Variants in PCYOX1 observed in about 807,000 individuals in gnomAD.
PCYOX1 encodes prenylcysteine lyase.
A neutral mutation model predicts 46.4 loss-of-function variants in PCYOX1; 46 were observed. The observed-to-expected ratio is 0.99, with a 90% CI of 0.78 to 1.27. The LOEUF (loss-of-function observed/expected upper bound fraction) is 1.27, where lower values mean the gene tolerates loss of function less well. Ranked by LOEUF, PCYOX1 falls within the 50% of genes most tolerant of loss-of-function variation. PCYOX1 has a pLI of 0.00. For missense variants in PCYOX1, 658 were observed against 628.3 expected (o/e 1.05, Z -0.51); for synonymous variants, 220 against 231.8 (o/e 0.95, Z 0.46).
intron 3 of PCYOX1, among the ~76,000 whole-genome samples, chr2:70,269,666 T>G (rs910143436): frequency 1.3e-5 from 2 of 152,162 alleles, no homozygotes; most frequent in African/African-American, 4.8e-5. Context: ...GGTCAGCCTC[T>G]TGTAGTCTCT....
Position 70,278,708 on chromosome 2 carries a change from G to A in PCYOX1, c.*1316G>A, listed in dbSNP as rs1470909959. The A allele has an allele frequency of 6.6e-6, 1 of 152,194 alleles. No homozygotes were observed. Among genetic ancestry groups the A allele is most frequent in the Non-Finnish European group, 1.5e-5 (1 of 68,036 alleles). 9.4% of individuals were successfully genotyped at this position (152,194 alleles called of 1,614,324 possible). On this transcript the variant is annotated 3_prime_UTR_variant, in exon 6 of 6. Coordinates refer to ENST00000433351, the MANE Select transcript of PCYOX1 (RefSeq NM_016297.4). ...TGGCTGCACATTGGAATCACCTGTA[G>A]GGTTTTAAAGCATCCAAATGGTAAT...
chr2:70,272,703 A>T (rs1268158920), intron 3 of PCYOX1, among the ~76,000 whole-genome samples: 2 of 151,464 alleles, frequency 1.3e-5, no homozygotes, highest in Admixed American at 1.3e-4. Flanking sequence ...TTCATTTATT[A>T]TTATTATTTT....
At chr2:70,275,863 C>T (rs1429188439) in intron 5 of PCYOX1, among the ~76,000 whole-genome samples, 197 bp downstream of exon 5, 1 of 151,924 alleles carries the variant, frequency 6.6e-6, no homozygotes, top group Non-Finnish European at 1.5e-5. Flanking sequence ...CTTTGGGAGG[C>T]CAAGGAGGGT....
At chr2:70,275,263 G>A in intron 4 of PCYOX1, 93 bp downstream of exon 4, 2 of 1,135,246 alleles carry the variant, frequency 1.8e-6, no homozygotes, top group Non-Finnish European at 2.6e-6. Flanking sequence ...GTGGATTGGA[G>A]GCTACTTTTC....
rs1188312022 is a variant in PCYOX1, at chr2:70,265,194, ACTAAT to A, written c.494+3809_494+3813del. Among the ~76,000 whole-genome samples the A allele has an allele frequency of 1.1e-4, 15 of 142,494 alleles. No homozygotes were observed. The East Asian group carries it at 2.7e-3, about 25-fold the overall frequency. 93.5% of individuals were successfully genotyped at this position (142,494 alleles called of 152,430 possible). On this transcript the variant is annotated intron_variant, in intron 3 of 5. Coordinates refer to ENST00000433351, the MANE Select transcript of PCYOX1 (RefSeq NM_016297.4). ...TTGTTCTGGTTGGATGCCATTCTTA[ACTAAT>A]TTTTTTTTTTTTTTTTTTTTTGAGA...
At chr2:70,266,093 G>A (rs1696517789) in intron 3 of PCYOX1, among the ~76,000 whole-genome samples, 1 of 152,108 alleles carries the variant, frequency 6.6e-6, no homozygotes, top group Admixed American at 6.5e-5. Context: ...GCCACAAGAT[G>A]TCCATGTCTT....
Position 70,261,381 on chromosome 2 carries a change from C to G in PCYOX1, c.489C>G (p.Phe163Leu). 1 of 1,600,816 alleles carries G rather than the reference C, an allele frequency of 6.2e-7. No homozygotes were observed. Among genetic ancestry groups the G allele is most frequent in the Non-Finnish European group, 8.5e-7 (1 of 1,172,134 alleles). The change falls in exon 3 of 6, where the codon TTC (phenylalanine) becomes TTG (leucine). Residue 163 changes from phenylalanine to leucine, a missense_variant. Transcript: ENST00000433351. ...HMWVEDVLDK[F>L]MRIYRYQSHD... ...GGGTAGAGGACGTGTTAGACAAGTT[C>G]ATGAGGTAATTTTTTTTCCTTCCAT...
Position 70,280,673 on chromosome 2 carries a change from G to C in PCYOX1, c.*3281G>C, listed in dbSNP as rs1234678195. 4 of 152,156 alleles carry C rather than the reference G, an allele frequency of 2.6e-5. No individual in the cohort carries two copies. The highest frequency in any genetic ancestry group is 7.2e-5 in the African/African-American group (3 of 41,426). The allele number at this position is 152,156 out of a possible 1,614,324, so 9.4% of individuals were successfully genotyped here. On this transcript the variant is annotated 3_prime_UTR_variant, in exon 6 of 6. Transcript: ENST00000433351. ...AGTTATAAAGAGTTGCTGAAAAATG[G>C]AGTAACAGTGTATGGGACTTCACAT...
intron 4 of PCYOX1, 30 bp downstream of exon 4, chr2:70,275,200 A>G: frequency 2.0e-6 from 3 of 1,536,474 alleles, no homozygotes; most frequent in East Asian, 2.2e-5. Flanking sequence ...AGTGGTGGAC[A>G]TTAGTTCACA....
chr2:70,263,967 T>TG (rs1696476032), intron 3 of PCYOX1, among the ~76,000 whole-genome samples: 1 of 148,828 alleles, frequency 6.7e-6, no homozygotes, highest in South Asian at 2.2e-4. Context: ...CCCTCTTTTT[T>TG]TTTTTTTTTT....
intron 1 of PCYOX1, chr2:70,258,602 T>G: frequency 1.2e-5 from 3 of 255,384 alleles, no homozygotes; most frequent in Non-Finnish European, 1.5e-5. Context: ...TAGGTTTCTC[T>G]ATCTTCCCGT....
intron 2 of PCYOX1, 70 bp downstream of exon 2, chr2:70,259,636 G>A: frequency 2.5e-6 from 3 of 1,181,036 alleles, no homozygotes; most frequent in East Asian, 4.7e-5. Flanking sequence ...ATCAGATGGA[G>A]AACTGAAATT....
At chr2:70,266,078 T>C (rs6546578) in intron 3 of PCYOX1, among the ~76,000 whole-genome samples, 110,179 of 152,032 alleles carry the variant, frequency 0.72, 40,584 homozygotes, top group African/African-American at 0.84. Flanking sequence ...TCTCCCCTGC[T>C]GTCTGCCACA....
At position 70,258,173 on chromosome 2, in the gene PCYOX1, C is replaced by T. The variant is rs976795115; in HGVS notation, c.9C>T (p.Arg3=). The T allele has an allele frequency of 3.1e-6, 5 of 1,595,050 alleles. No homozygotes were observed. The highest frequency in any genetic ancestry group is 4.6e-5 in the East Asian group (2 of 43,732). The change falls in exon 1 of 6, where the codon CGC becomes CGT. Residue 3 remains arginine (R), a synonymous_variant. Coordinates refer to ENST00000433351, the MANE Select transcript of PCYOX1 (RefSeq NM_016297.4). MG[R]VVAELVSSLL... ...CAGAGCTTGTGGAGGCCATGGGGCG[C>T]GTCGTCGCGGAGCTCGTCTCCTCGC...
chr2:70,262,583 G>C (rs1349899461), intron 3 of PCYOX1, among the ~76,000 whole-genome samples: 1 of 150,798 alleles, frequency 6.6e-6, no homozygotes, highest in African/African-American at 2.4e-5. Context: ...TGGTTCAAGC[G>C]ATTCTCCTGC....
At chr2:70,276,596 G>A (rs1696675436) in intron 5 of PCYOX1, 138 bp from the exon 6 acceptor site, 2 of 565,900 alleles carry the variant, frequency 3.5e-6, no homozygotes. Flanking sequence ...TAATAAAAAT[G>A]CAAGGGACAA....
Position 70,277,280 on chromosome 2 carries a change from T to C in PCYOX1, c.1406T>C (p.Met469Thr). ...GAGTGTGCAGCAAGTGCCATGGAGA[T>C]GAGTGCCATTGCAGCCCACAACGCT... ...GIECAASAME[M>T]SAIAAHNAAL... is the part of the protein sequence containing the mutation. The change falls in exon 6 of 6, where the codon ATG (methionine) becomes ACG (threonine). Residue 469 changes from methionine (M) to threonine (T), a missense_variant. Met to Thr is a moderately conservative substitution (Grantham distance 81). Coordinates refer to ENST00000433351, the MANE Select transcript of PCYOX1 (RefSeq NM_016297.4). 6.2e-7 allele frequency: 1 copy of C among 1,614,142 alleles called. No individual in the cohort carries two copies. The highest frequency in any genetic ancestry group is 2.2e-5 in the East Asian group (1 of 44,886).
intron 3 of PCYOX1, among the ~76,000 whole-genome samples, chr2:70,272,182 A>G (rs1696610573): frequency 6.9e-6 from 1 of 145,806 alleles, no homozygotes; most frequent in Admixed American, 7.1e-5. Context: ...GCTAGAGTGC[A>G]GTGGCACGAT....
At position 70,275,133 on chromosome 2, in the gene PCYOX1, C is replaced by G. The variant is rs1696652248; in HGVS notation, c.669C>G (p.Val223=). 2 of 1,614,060 alleles carry G rather than the reference C, an allele frequency of 1.2e-6. No individual in the cohort carries two copies. The highest frequency in any genetic ancestry group is 2.7e-5 in the African/African-American group (2 of 75,026). The part of the protein sequence containing the change: ...LNEMIAPVMR[V]NYGQSTDINA... ...AAATGATTGCTCCTGTTATGAGGGT[C>G]AATTATGGCCAAAGCACGGACATCA... Residue 223 remains valine (V), a synonymous_variant, in exon 4 of 6, where the codon GTC becomes GTG. Transcript: ENST00000433351.
Sources: gnomAD v4.1 joint callset for allele counts (sites outside exome capture counted in the v4.1 genomes callset) on GRCh38, gnomAD v4.1.1 for gene constraint, MANE v1.5 for transcripts, NCBI Gene and HGNC (gene_info 2026-07-23, HGNC 2026-07-21) for gene names.